XPO7: variants seen among roughly 807,000 people sequenced by gnomAD.
XPO7 encodes exportin-7.
In XPO7, 21 loss-of-function variants were observed where a neutral mutation model predicts 144.3. That is an observed-to-expected ratio of 0.15 (90% CI 0.10 to 0.21). XPO7 has a LOEUF of 0.21. Ranked by LOEUF, XPO7 falls within the 10% of genes least tolerant of loss-of-function variation. The probability of loss-of-function intolerance (pLI) is 1.00; values close to 1 mark genes in which losing one functional copy is unlikely to be tolerated. For missense variants in XPO7, 808 were observed against 1,325.8 expected (o/e 0.61, Z 6.06); for synonymous variants, 580 against 499.6 (o/e 1.16, Z -2.15).
chr8:22,001,147 T>C (rs1813130269), intron 24 of XPO7, among the ~76,000 whole-genome samples: 1 of 151,882 alleles, frequency 6.6e-6, no homozygotes, highest in African/African-American at 2.4e-5. Context: ...ACCCTGTCTC[T>C]GTACAAAAAT....
At chr8:21,935,322 CAG>C (rs1189631080) in intron 1 of XPO7, among the ~76,000 whole-genome samples, 2 of 152,180 alleles carry the variant, frequency 1.3e-5, no homozygotes, top group Non-Finnish European at 2.9e-5. Flanking sequence ...CAAGTTTACA[CAG>C]AGTTTTCAAA....
intron 1 of XPO7, among the ~76,000 whole-genome samples, chr8:21,927,687 A>G (rs1457188629): frequency 1.3e-5 from 2 of 152,050 alleles, no homozygotes; most frequent in Non-Finnish European, 2.9e-5. Context: ...CTGGGATTAC[A>G]GGCATGCACC....
At chr8:21,993,874 T>A (rs1342098606) in intron 19 of XPO7, among the ~76,000 whole-genome samples, 1 of 152,006 alleles carries the variant, frequency 6.6e-6, no homozygotes, top group African/African-American at 2.4e-5. Context: ...TGTTTTTCTT[T>A]TTTGCTTTTT....
intron 1 of XPO7, among the ~76,000 whole-genome samples, chr8:21,948,687 C>T (rs1811270842): frequency 6.6e-6 from 1 of 152,026 alleles, no homozygotes; most frequent in Non-Finnish European, 1.5e-5. Context: ...TTGAGCTTTT[C>T]TAGTTTTGTT....
chr8:21,981,826 C>T lies in XPO7; in HGVS notation c.1053C>T (p.Asn351=). Residue 351 remains asparagine, a synonymous_variant, in exon 10 of 28, where the codon AAC becomes AAT. Coordinates refer to ENST00000252512, the MANE Select transcript of XPO7 (RefSeq NM_015024.5). ...YQLGELVKVE[N]YPEVIRLIAN... ...TGGGAGAATTGGTAAAGGTGGAAAA[C>T]TACCCTGAGGTCATCCGATTGATAG... 6.2e-7 allele frequency: 1 copy of T among 1,614,032 alleles called. No individual in the cohort carries two copies. The highest frequency in any genetic ancestry group is 1.1e-5 in the South Asian group (1 of 91,090).
intron 2 of XPO7, among the ~76,000 whole-genome samples, chr8:21,967,827 G>T (rs1811935480): frequency 6.6e-6 from 1 of 152,120 alleles, no homozygotes; most frequent in Non-Finnish European, 1.5e-5. Flanking sequence ...GCATTGCAGT[G>T]ATCAAAATAA....
At chr8:21,966,626 A>G (rs142024892) in intron 1 of XPO7, among the ~76,000 whole-genome samples, 1,065 of 100,284 alleles carry the variant, frequency 0.011, 12 homozygotes, top group African/African-American at 0.049. Flanking sequence ...CCTCAAGGGA[A>G]TGATGAAAAA....
chr8:21,994,512 A>G, intron 20 of XPO7, 61 bp downstream of exon 20: 1 of 1,487,642 alleles, frequency 6.7e-7, no homozygotes, highest in East Asian at 2.3e-5. Flanking sequence ...TGATTGGGTG[A>G]TAGGGTCCAG....
At chr8:21,952,826 T>G (rs1811413868) in intron 1 of XPO7, among the ~76,000 whole-genome samples, 1 of 152,182 alleles carries the variant, frequency 6.6e-6, no homozygotes, top group Admixed American at 6.5e-5. Context: ...ATACAAAATG[T>G]CATGTTTTAG....
At position 21,931,410 on chromosome 8, in the gene XPO7, G is replaced by A. The variant is rs906924102; in HGVS notation, c.18+11622G>A. Among the ~76,000 whole-genome samples the A allele has an allele frequency of 2.8e-4, 43 of 152,026 alleles. 1 individual carries two copies. Among genetic ancestry groups the A allele is most frequent in the Non-Finnish European group, 1.0e-4 (7 of 67,994 alleles). On this transcript the variant is annotated intron_variant, in intron 1 of 27. Transcript: ENST00000252512. Reference sequence around the variant, plus strand: ...ACTCTTGACCTCAGCCTCCCAAATTGGTGGGATTACAGTCGTGAGCCACCG... The same window carrying A: ...ACTCTTGACCTCAGCCTCCCAAATTAGTGGGATTACAGTCGTGAGCCACCG...
chr8:21,988,878 G>C, intron 15 of XPO7, 125 bp from the exon 16 acceptor site: 1 of 751,184 alleles, frequency 1.3e-6, no homozygotes, highest in Non-Finnish European at 2.2e-6. Flanking sequence ...TGGTCGTGAT[G>C]TCTGTGAATT....
intron 1 of XPO7, among the ~76,000 whole-genome samples, chr8:21,934,469 G>A (rs1385759978): frequency 6.6e-6 from 1 of 152,062 alleles, no homozygotes; most frequent in East Asian, 1.9e-4. Flanking sequence ...GGAGGCAGAG[G>A]TTACGGTGAG....
intron 18 of XPO7, among the ~76,000 whole-genome samples, chr8:21,991,374 C>A (rs772049363): frequency 2.0e-5 from 3 of 152,194 alleles, no homozygotes; most frequent in Non-Finnish European, 4.4e-5. Flanking sequence ...CAGTTAATAA[C>A]TAAAGCTCAG....
At chr8:21,960,612 G>A (rs1396576443) in intron 1 of XPO7, among the ~76,000 whole-genome samples, 1 of 152,204 alleles carries the variant, frequency 6.6e-6, no homozygotes, top group Admixed American at 6.5e-5. Context: ...TATGGTAGTG[G>A]ACTTGCCATC....
rs754481445 is a variant in XPO7 at position 21,999,498 on chromosome 8, G to A, written c.2644-38G>A. 4.0e-5 allele frequency: 65 copies of A among 1,612,960 alleles called. No homozygotes were observed. The Admixed American group carries it at 1.1e-3, about 26-fold the overall frequency. On this transcript the variant is annotated intron_variant, in intron 23 of 27. Transcript: ENST00000252512. Reference sequence around the variant, plus strand: ...GTCTCCCTGCATGCTGGAGTGCATAGTGCCTAAGCTGATTTTCTTCCTCTT... The same window carrying A: ...GTCTCCCTGCATGCTGGAGTGCATAATGCCTAAGCTGATTTTCTTCCTCTT...
At position 21,970,260 on chromosome 8, in the gene XPO7, G is replaced by A; in HGVS notation, c.376G>A (p.Asp126Asn). 1 of 1,613,726 alleles carries A rather than the reference G, an allele frequency of 6.2e-7. No individual in the cohort carries two copies. Among genetic ancestry groups the A allele is most frequent in the East Asian group, 2.2e-5 (1 of 44,880 alleles). The change falls in exon 4 of 28, where the codon GAT (aspartate) becomes AAT (asparagine). Residue 126 changes from aspartate to asparagine, a missense_variant. Physicochemically the swap from Asp to Asn is conservative, Grantham distance 23. Coordinates refer to ENST00000252512, the MANE Select transcript of XPO7 (RefSeq NM_015024.5). ...TKLGWFDCQK[D>N]DYVFRNAITD... ...ACTGGGCTGGTTTGACTGTCAGAAG[G>A]ATGACTATGTCTTCAGAAATGCAAT...
chr8:21,971,398 T>C (rs944066769), intron 4 of XPO7, among the ~76,000 whole-genome samples: 4 of 152,234 alleles, frequency 2.6e-5, no homozygotes, highest in African/African-American at 4.8e-5. Flanking sequence ...GTTAAAAAAA[T>C]TGGTATCTTA....
chr8:21,987,918 G>A (rs934633197), intron 15 of XPO7, 61 bp downstream of exon 15: 58 of 1,538,156 alleles, frequency 3.8e-5, no homozygotes, highest in Non-Finnish European at 2.6e-5. Context: ...ACTGTAAAAT[G>A]TGATCTTGGC....
chr8:21,997,434 T>C (rs763619894), intron 21 of XPO7, among the ~76,000 whole-genome samples: 1 of 152,154 alleles, frequency 6.6e-6, no homozygotes, highest in African/African-American at 2.4e-5. Flanking sequence ...GAAGGTAATA[T>C]TAACTAGGAT....
Sources: allele counts gnomAD v4.1 joint callset (sites outside exome capture counted in the v4.1 genomes callset), GRCh38; gene constraint gnomAD v4.1.1; transcripts MANE v1.5; gene names NCBI Gene and HGNC (gene_info 2026-07-23, HGNC 2026-07-21).